The following WNT6 variants were observed in gnomAD, a reference collection of about 807,000 sequenced individuals.
The protein encoded by WNT6 is protein Wnt-6.
Under a neutral mutation model 33.1 loss-of-function variants are expected in WNT6, and 27 were observed. The observed-to-expected ratio is 0.82, with a 90% CI of 0.60 to 1.12. The LOEUF is 1.12. Among genes scored for constraint, WNT6 ranks in the 50% most tolerant of loss-of-function variants. The probability of loss-of-function intolerance (pLI) is 0.00; values close to 1 mark genes in which losing one functional copy is unlikely to be tolerated. For missense variants in WNT6, 494 were observed against 535.3 expected, an observed-to-expected ratio of 0.92 and a Z score of 0.76; for synonymous variants, 249 against 242.8, an observed-to-expected ratio of 1.03 and a Z score of -0.24.
chr2:218,869,261 CGT>C lies in WNT6; in HGVS notation c.81-1763_81-1762del, dbSNP rs371625790. Among the ~76,000 whole-genome samples the C allele has an allele frequency of 1.8e-4, 28 of 152,260 alleles. 1 individual carries two copies. The highest frequency in any genetic ancestry group is 6.3e-4 in the African/African-American group (26 of 41,532). On this transcript the variant is annotated intron_variant, in intron 1 of 3. Coordinates refer to ENST00000233948, the MANE Select transcript of WNT6 (RefSeq NM_006522.4). ...GCATGAGAATGCACGTGCACACACA[CGT>C]GTTTGTGTTGTAGACCATAAAGGAC...
At position 218,868,022 on chromosome 2, in the gene WNT6, G is replaced by A. The variant is rs139663368; in HGVS notation, c.81-3005G>A. 4.2e-4 allele frequency among the ~76,000 whole-genome samples: 64 copies of A among 152,282 alleles called. No individual in the cohort carries two copies. In the East Asian group the frequency reaches 6.6e-3, roughly 16 times the overall value. Reference sequence around the variant, plus strand: ...TGCCCCCTGCCACGCCCCTTCTGGAGTTTCATTTCCTATGTATTTAGGATG... The same window carrying A: ...TGCCCCCTGCCACGCCCCTTCTGGAATTTCATTTCCTATGTATTTAGGATG... On this transcript the variant is annotated intron_variant, in intron 1 of 3. Transcript: ENST00000233948.
intron 1 of WNT6, among the ~76,000 whole-genome samples, chr2:218,864,825 T>A (rs1323962958): frequency 6.6e-6 from 1 of 152,166 alleles, no homozygotes; most frequent in African/African-American, 2.4e-5. Context: ...CCCTTTCCCA[T>A]CCTGTCTTTA....
At chr2:218,870,032 C>T (rs1426867307) in intron 1 of WNT6, among the ~76,000 whole-genome samples, 4 of 152,054 alleles carry the variant, frequency 2.6e-5, no homozygotes, top group Non-Finnish European at 5.9e-5. Context: ...CCAGCTTGGC[C>T]AACATGGTGA....
intron 1 of WNT6, among the ~76,000 whole-genome samples, chr2:218,870,239 A>G (rs1368671325): frequency 1.3e-5 from 2 of 151,818 alleles, no homozygotes; most frequent in Non-Finnish European, 2.9e-5. Flanking sequence ...AAAAAAAAAA[A>G]AAGAACGAAA....
rs775746531 is a variant in WNT6 at position 218,873,689 on chromosome 2, C to T, written c.942C>T (p.Ala314=). ...GTRGRACNSS[A]PDLSGCDLLC... ...GCGGTCGCGCCTGCAATAGCAGCGC[C>T]CCGGACCTCAGCGGCTGCGACCTGC... The change falls in exon 4 of 4, where the codon GCC becomes GCT. Residue 314 remains alanine (A), a synonymous_variant. Coordinates refer to ENST00000233948, the MANE Select transcript of WNT6 (RefSeq NM_006522.4). The surrounding 1 kb of genome is among the most constrained non-coding windows in gnomAD (Gnocchi z 6.1). 5 of 1,578,840 alleles carry T rather than the reference C, an allele frequency of 3.2e-6. No homozygotes were observed. Among genetic ancestry groups the T allele is most frequent in the Non-Finnish European group, 4.3e-6 (5 of 1,169,550 alleles).
rs749048266 is a variant in WNT6 at position 218,871,827 on chromosome 2, C to G, written c.636+8C>G. Reference sequence around the variant, plus strand: ...AACGAGGCGGGCAGGCTGGTGCGTACGGGCAGGATGGAGTGAGTGTGTGCG... The same window carrying G: ...AACGAGGCGGGCAGGCTGGTGCGTAGGGGCAGGATGGAGTGAGTGTGTGCG... On this transcript the variant is annotated splice_region_variant and intron_variant, in intron 3 of 3. Transcript: ENST00000233948. The surrounding 1 kb of genome is among the most constrained non-coding windows in gnomAD (Gnocchi z 6.4). The G allele has an allele frequency of 6.3e-7, 1 of 1,574,954 alleles. No homozygotes were observed. Among genetic ancestry groups the G allele is most frequent in the Non-Finnish European group, 8.6e-7 (1 of 1,162,840 alleles).
intron 1 of WNT6, among the ~76,000 whole-genome samples, chr2:218,869,219 C>CGTGCGCATGT (rs1406016515): frequency 2.0e-5 from 3 of 152,064 alleles, no homozygotes; most frequent in Non-Finnish European, 2.9e-5. Context: ...TGTGTGTGTG[C>CGTGCGCATGT]GTGCGCATGC....
Position 218,873,839 on chromosome 2 carries a change from C to A in WNT6, c.1092C>A (p.Cys364Ter). 6.7e-7 allele frequency: 1 copy of A among 1,493,842 alleles called. No individual in the cohort carries two copies. The highest frequency in any genetic ancestry group is 8.9e-7 in the Non-Finnish European group (1 of 1,127,410). 92.5% of individuals were successfully genotyped at this position (1,493,842 alleles called of 1,614,324 possible). ...GTGTGCGCAAGGAGCTCAGCCTCTGCCTGTGACCCGCCGCCCGGCCGCTAG... is the reference window on the plus strand; with the variant it reads ...GTGTGCGCAAGGAGCTCAGCCTCTGACTGTGACCCGCCGCCCGGCCGCTAG... ...RCRVRKELSLCL is the reference protein window; with the variant it reads ...RCRVRKELSL The change falls in exon 4 of 4, where the codon TGC becomes TGA. Residue 364 changes from cysteine (C) to a stop codon, truncating the protein, a stop_gained. Transcript: ENST00000233948. LOFTEE classifies it high-confidence loss of function. The surrounding 1 kb of genome is among the most constrained non-coding windows in gnomAD (Gnocchi z 6.1).
At chr2:218,870,029 G>T (rs1474953842) in intron 1 of WNT6, among the ~76,000 whole-genome samples, 2 of 152,092 alleles carry the variant, frequency 1.3e-5, no homozygotes, top group Non-Finnish European at 2.9e-5. Context: ...AGACCAGCTT[G>T]GCCAACATGG....
At chr2:218,864,123 A>G (rs1944333313) in intron 1 of WNT6, among the ~76,000 whole-genome samples, 1 of 152,130 alleles carries the variant, frequency 6.6e-6, no homozygotes, top group African/African-American at 2.4e-5. Context: ...GCCCACCCCC[A>G]GGAAGTTCTT....
rs567728114 is a variant in WNT6, at chr2:218,873,586, G to A, written c.839G>A (p.Gly280Asp). ...GCCGTCCGCACGCTCAAGCCGCCGG[G>A]CCGAGCGGACCTCCTCTACGCCGCC... ...LPAVRTLKPP[G>D]RADLLYAADS... The change falls in exon 4 of 4, where the codon GGC becomes GAC. Residue 280 changes from glycine (G) to aspartate (D), a missense_variant. By Grantham distance (94) the Gly-to-Asp change is moderately conservative. Transcript: ENST00000233948. This position sits in a 1 kb window ranked among gnomAD's most constrained non-coding sequence, Gnocchi z 6.1. 2.8e-5 allele frequency: 44 copies of A among 1,545,736 alleles called. No individual in the cohort carries two copies. The African/African-American group carries it at 6.0e-4, about 21-fold the overall frequency.
At chr2:218,869,216 G>GTGCGTGCGCATGCGTGCGCA (rs113516383) in intron 1 of WNT6, among the ~76,000 whole-genome samples, 8 of 150,988 alleles carry the variant, frequency 5.3e-5, no homozygotes, top group South Asian at 2.1e-4. Flanking sequence ...TTTTGTGTGT[G>GTGCGTGCGCATGCGTGCGCA]TGCGTGCGCA....
At chr2:218,870,654 A>G (rs1944392457) in intron 1 of WNT6, among the ~76,000 whole-genome samples, 1 of 152,060 alleles carries the variant, frequency 6.6e-6, no homozygotes, top group Non-Finnish European at 1.5e-5. Context: ...GGCCTTCTTG[A>G]TCTTTCTTCT....
chr2:218,863,976 C>A lies in WNT6; in HGVS notation c.80+3859C>A, dbSNP rs375722648. Among the ~76,000 whole-genome samples, 186 of 152,326 alleles carry A rather than the reference C, an allele frequency of 1.2e-3. 7 individuals are homozygous for A. In the South Asian group the frequency reaches 0.038, roughly 31 times the overall value. ...ATTGGCCAGGCTCTCTGGAAATCATCTTGTCCAGCCTCATTGCATCCAGGT... is the reference window on the plus strand; with the variant it reads ...ATTGGCCAGGCTCTCTGGAAATCATATTGTCCAGCCTCATTGCATCCAGGT... On this transcript the variant is annotated intron_variant, in intron 1 of 3. Transcript: ENST00000233948.
chr2:218,860,262 C>A, intron 1 of WNT6, 145 bp downstream of exon 1: 1 of 736,128 alleles, frequency 1.4e-6, no homozygotes, highest in Non-Finnish European at 2.0e-6. Context: ...CGTTTCTGAA[C>A]TCCACTTCGA....
At chr2:218,861,403 T>G (rs1421364133) in intron 1 of WNT6, among the ~76,000 whole-genome samples, 2 of 152,144 alleles carry the variant, frequency 1.3e-5, no homozygotes, top group African/African-American at 4.8e-5. Context: ...GGCTAGTCAC[T>G]TCCTTTCCCT....
At chr2:218,868,066 C>A (rs1473053650) in intron 1 of WNT6, among the ~76,000 whole-genome samples, 1 of 152,126 alleles carries the variant, frequency 6.6e-6, no homozygotes, top group Non-Finnish European at 1.5e-5. Context: ...GACAGGAGGG[C>A]AGGGAACAAA....
In WNT6 at chr2:218,871,213, C is replaced by CCACA; in HGVS notation, c.268_271dup (p.Ser91ThrfsTer223). On this transcript the variant is annotated frameshift_variant, in exon 2 of 4. Coordinates refer to ENST00000233948, the MANE Select transcript of WNT6 (RefSeq NM_006522.4). LOFTEE classifies it high-confidence loss of function. This position sits in a 1 kb window ranked among gnomAD's most constrained non-coding sequence, Gnocchi z 6.4. ...GCTTCCGCCGCTGGAATTGCTCCAG[C>CCACA]CACAGCAAGGCCTTTGGACGCATCC... The CCACA allele has an allele frequency of 1.2e-6, 2 of 1,613,400 alleles. No individual in the cohort carries two copies. The highest frequency in any genetic ancestry group is 1.7e-6 in the Non-Finnish European group (2 of 1,179,720).
intron 1 of WNT6, among the ~76,000 whole-genome samples, chr2:218,863,079 A>G (rs1371588334): frequency 6.6e-6 from 1 of 152,122 alleles, no homozygotes; most frequent in Non-Finnish European, 1.5e-5. Context: ...GACTCTGCTT[A>G]CACTCCTGAG....
Sources: allele counts gnomAD v4.1 joint callset (sites outside exome capture counted in the v4.1 genomes callset), GRCh38; gene constraint gnomAD v4.1.1; non-coding constraint Gnocchi (gnomAD v3.1); transcripts MANE v1.5; gene names NCBI Gene and HGNC (gene_info 2026-07-23, HGNC 2026-07-21).